OSBP2: variants seen among roughly 807,000 people sequenced by gnomAD.
OSBP2 encodes oxysterol-binding protein 2.
A neutral mutation model predicts 96.0 loss-of-function variants in OSBP2; 66 were observed. The observed-to-expected ratio is 0.69, with a 90% confidence interval of 0.56 to 0.84. OSBP2 has a LOEUF of 0.84. OSBP2 is among the 40% of genes least tolerant of loss of function. OSBP2 has a pLI of 0.00. For missense variants in OSBP2, 1,038 were observed against 1,222.7 expected, an observed-to-expected ratio of 0.85 and a Z score of 2.25; for synonymous variants, 525 against 520.9, an observed-to-expected ratio of 1.01 and a Z score of -0.11.
intron 1 of OSBP2, among the ~76,000 whole-genome samples, chr22:30,727,051 G>A (rs1033590451): frequency 6.6e-6 from 1 of 152,192 alleles, no homozygotes; most frequent in South Asian, 2.1e-4. Flanking sequence ...GTAGGTAGGT[G>A]GGCCTGGCTT....
At chr22:30,817,003 G>A (rs572346388) in intron 2 of OSBP2, among the ~76,000 whole-genome samples, 1 of 152,276 alleles carries the variant, frequency 6.6e-6, no homozygotes, top group South Asian at 2.1e-4. Flanking sequence ...CCAAAGTGCT[G>A]AGATTACAGG....
At chr22:30,807,614 C>T (rs1367795785) in intron 2 of OSBP2, among the ~76,000 whole-genome samples, 1 of 152,294 alleles carries the variant, frequency 6.6e-6, no homozygotes, top group South Asian at 2.1e-4. Context: ...GCCTGCTCTT[C>T]TCTCCCACAT....
At chr22:30,844,205 G>C (rs1427958582) in intron 2 of OSBP2, among the ~76,000 whole-genome samples, 1 of 152,138 alleles carries the variant, frequency 6.6e-6, no homozygotes, top group Non-Finnish European at 1.5e-5. Flanking sequence ...GGGCCCTAGG[G>C]TCTTTGGAAT....
chr22:30,802,633 G>A (rs2090866352), intron 2 of OSBP2, among the ~76,000 whole-genome samples: 1 of 152,254 alleles, frequency 6.6e-6, no homozygotes. Context: ...GCCACGGAGA[G>A]CTCGCCTTTA....
At chr22:30,784,777 A>ATT (rs71900262) in intron 2 of OSBP2, among the ~76,000 whole-genome samples, 22,991 of 140,522 alleles carry the variant, frequency 0.16, 1,950 homozygotes, top group African/African-American at 0.22. Flanking sequence ...AATCCTCCTC[A>ATT]TTTTTTTTTT....
chr22:30,817,882 G>C (rs1481814398), intron 2 of OSBP2, among the ~76,000 whole-genome samples: 1 of 152,094 alleles, frequency 6.6e-6, no homozygotes, highest in Non-Finnish European at 1.5e-5. Flanking sequence ...TCACACTTGA[G>C]GAAATTCACC....
At chr22:30,780,718 G>A (rs1246425536) in intron 2 of OSBP2, among the ~76,000 whole-genome samples, 3 of 152,104 alleles carry the variant, frequency 2.0e-5, no homozygotes, top group East Asian at 1.9e-4. Flanking sequence ...GGCTGGTCTC[G>A]AACTCCTGAC....
At chr22:30,771,506 A>T (rs1207837591) in intron 2 of OSBP2, among the ~76,000 whole-genome samples, 1 of 152,166 alleles carries the variant, frequency 6.6e-6, no homozygotes, top group African/African-American at 2.4e-5. Flanking sequence ...ACACCTGAAC[A>T]CAGTGGCACC....
At chr22:30,887,715 GCCCA>G in intron 4 of OSBP2, 97 bp downstream of exon 4, 6 of 1,108,024 alleles carry the variant, frequency 5.4e-6, no homozygotes, top group Non-Finnish European at 7.7e-6. Context: ...CCCTGGCTGT[GCCCA>G]CATGTGGGCT....
chr22:30,889,038 C>G (rs999209616), intron 5 of OSBP2, 139 bp from the exon 6 acceptor site: 1 of 656,036 alleles, frequency 1.5e-6, no homozygotes, highest in Non-Finnish European at 2.6e-6. Context: ...ATTGCGGTGC[C>G]TGTCTACACA....
At chr22:30,866,899 C>T (rs931245820) in intron 2 of OSBP2, among the ~76,000 whole-genome samples, 5 of 152,210 alleles carry the variant, frequency 3.3e-5, no homozygotes, top group African/African-American at 1.2e-4. Context: ...CCAGAGTTTA[C>T]TCATGTGGAG....
intron 2 of OSBP2, among the ~76,000 whole-genome samples, chr22:30,804,198 G>A (rs2145846221): frequency 6.6e-6 from 1 of 152,328 alleles, no homozygotes; most frequent in Non-Finnish European, 1.5e-5. Flanking sequence ...GTGTTGGGGA[G>A]GAGAGGGAGT....
At chr22:30,810,957 G>T (rs1264591684) in intron 2 of OSBP2, among the ~76,000 whole-genome samples, 2 of 152,150 alleles carry the variant, frequency 1.3e-5, no homozygotes, top group Non-Finnish European at 2.9e-5. Context: ...CTCTCCAATT[G>T]TAATTTGTTG....
chr22:30,780,560 C>T (rs1205170601), intron 2 of OSBP2, among the ~76,000 whole-genome samples: 2 of 152,128 alleles, frequency 1.3e-5, no homozygotes, highest in Non-Finnish European at 2.9e-5. Flanking sequence ...TACAGTGGAT[C>T]GATCTCAGCC....
intron 1 of OSBP2, among the ~76,000 whole-genome samples, chr22:30,696,848 G>C (rs2089048187): frequency 1.3e-5 from 2 of 152,036 alleles, no homozygotes; most frequent in South Asian, 4.2e-4. Context: ...TAGTAGAGAT[G>C]GGGTTTCACC....
Position 30,769,541 on chromosome 22 carries a change from C to G in OSBP2, c.853+28172C>G, listed in dbSNP as rs557310493. On this transcript the variant is annotated intron_variant, in intron 2 of 13. Transcript: ENST00000332585. ...GCACGCACCTGTAGTCCCAGCTACT[C>G]GGGAGGCTGAGGCAGGAGAATCACT... is the stretch of plus-strand genomic sequence containing the variant. Among the ~76,000 whole-genome samples the G allele has an allele frequency of 3.3e-5, 5 of 152,108 alleles. No individual in the cohort carries two copies. In the South Asian group the frequency reaches 1.0e-3, roughly 32 times the overall value.
At chr22:30,814,450 T>TA (rs1265151667) in intron 2 of OSBP2, among the ~76,000 whole-genome samples, 1 of 147,702 alleles carries the variant, frequency 6.8e-6, no homozygotes, top group Non-Finnish European at 1.5e-5. Flanking sequence ...TTTTTTTTTT[T>TA]AAGATGGAGT....
intron 1 of OSBP2, among the ~76,000 whole-genome samples, chr22:30,726,079 C>T (rs910983481): frequency 1.3e-5 from 2 of 152,094 alleles, no homozygotes; most frequent in African/African-American, 2.4e-5. Context: ...CCGGCCAAAA[C>T]AGTCATGTTC....
At chr22:30,782,823 T>C (rs2090535734) in intron 2 of OSBP2, among the ~76,000 whole-genome samples, 1 of 152,168 alleles carries the variant, frequency 6.6e-6, no homozygotes, top group East Asian at 1.9e-4. Context: ...TGTTTAACTT[T>C]TTAAGAAATT....
Sources: gnomAD v4.1 joint callset for allele counts (sites outside exome capture counted in the v4.1 genomes callset) on GRCh38, gnomAD v4.1.1 for gene constraint, MANE v1.5 for transcripts, NCBI Gene and HGNC (gene_info 2026-07-23, HGNC 2026-07-21) for gene names.